NAALAD2: variants seen among roughly 807,000 people sequenced by gnomAD.
The protein encoded by NAALAD2 is N-acetylated-alpha-linked acidic dipeptidase 2.
Under a neutral mutation model 95.6 loss-of-function variants are expected in NAALAD2, and 89 were observed. The observed-to-expected ratio is 0.93, with a 90% CI of 0.78 to 1.11. The LOEUF (loss-of-function observed/expected upper bound fraction) is 1.11. Among genes scored for constraint, NAALAD2 ranks in the 50% least tolerant of loss-of-function variants. The pLI is 0.00. For missense variants in NAALAD2, 894 were observed against 872.4 expected (o/e 1.02, Z -0.31); for synonymous variants, 264 against 294.4 (o/e 0.90, Z 1.06).
intron 5 of NAALAD2, among the ~76,000 whole-genome samples, chr11:90,151,216 C>T (rs571497950): frequency 1.3e-5 from 2 of 152,184 alleles, no homozygotes; most frequent in Non-Finnish European, 2.9e-5. Context: ...GCAAAGTTTC[C>T]TCACATATAA....
intron 15 of NAALAD2, among the ~76,000 whole-genome samples, chr11:90,176,439 A>G (rs1183965384): frequency 6.6e-6 from 1 of 152,182 alleles, no homozygotes; most frequent in East Asian, 1.9e-4. Flanking sequence ...TATTTTGGTC[A>G]AGAGGAGCAT....
intron 13 of NAALAD2, among the ~76,000 whole-genome samples, chr11:90,173,501 C>T (rs1358722040): frequency 6.6e-6 from 1 of 152,000 alleles, no homozygotes; most frequent in Non-Finnish European, 1.5e-5. Flanking sequence ...TCTAAGCTGC[C>T]AAACATTAAT....
intron 1 of NAALAD2, chr11:90,135,119 A>C (rs996910459): frequency 2.5e-6 from 1 of 395,536 alleles, no homozygotes; most frequent in African/African-American, 2.0e-5. Context: ...GGGATGAAAA[A>C]AAATCGTTTT....
chr11:90,188,658 G>A (rs1857231911), intron 18 of NAALAD2, among the ~76,000 whole-genome samples: 1 of 152,158 alleles, frequency 6.6e-6, no homozygotes, highest in Non-Finnish European at 1.5e-5. Context: ...TAGAAATTAA[G>A]TTTCAACATA....
chr11:90,161,733 C>T (rs1214321879), intron 8 of NAALAD2, among the ~76,000 whole-genome samples: 1 of 151,990 alleles, frequency 6.6e-6, no homozygotes, highest in Non-Finnish European at 1.5e-5. Context: ...TTTCATTCCT[C>T]ATATGTTGCA....
In NAALAD2 at chr11:90,152,296, A is replaced by G; in HGVS notation, c.610-2A>G. Reference sequence around the variant, plus strand: ...ATTATGAATTGCACATTGCCCCTGCAGGTTAAAAATGCCATGTTAGCAGGA... The same window carrying G: ...ATTATGAATTGCACATTGCCCCTGCGGGTTAAAAATGCCATGTTAGCAGGA... On this transcript the variant is annotated splice_acceptor_variant, in intron 5 of 18. Coordinates refer to ENST00000534061, the MANE Select transcript of NAALAD2 (RefSeq NM_005467.4). LOFTEE classifies it high-confidence loss of function. 6.3e-7 allele frequency: 1 copy of G among 1,585,914 alleles called. No homozygotes were observed. Among genetic ancestry groups the G allele is most frequent in the Non-Finnish European group, 8.6e-7 (1 of 1,158,840 alleles).
chr11:90,158,887 T>C, intron 7 of NAALAD2: 1 of 214,090 alleles, frequency 4.7e-6, no homozygotes, highest in Non-Finnish European at 9.2e-6. Flanking sequence ...ACATTTCTTC[T>C]CCTTAATGCA....
At chr11:90,180,201 G>A (rs1380425944) in intron 16 of NAALAD2, among the ~76,000 whole-genome samples, 3 of 152,052 alleles carry the variant, frequency 2.0e-5, no homozygotes, top group Admixed American at 6.6e-5. Context: ...TGCAAAAGTC[G>A]TCATTGACAT....
intron 6 of NAALAD2, among the ~76,000 whole-genome samples, chr11:90,154,698 G>C (rs1249721641): frequency 6.6e-6 from 1 of 150,878 alleles, no homozygotes; most frequent in Non-Finnish European, 1.5e-5. Context: ...TAAAGAATGG[G>C]TTCAATGTTG....
rs1952709896 is a variant in NAALAD2 at position 90,173,840 on chromosome 11, A to C, written c.1427A>C (p.Asp476Ala). ...KLTKEIPSPD[D>A]GFESKSLYES... ...TCTTTCCAGATCCCCAGCCCTGATG[A>C]TGGGTTTGAGAGTAAATCACTGTAT... The change falls in exon 14 of 19, where the codon GAT (aspartate) becomes GCT (alanine). Residue 476 changes from aspartate (D) to alanine (A), a missense_variant. Transcript: ENST00000534061. 6.2e-7 allele frequency: 1 copy of C among 1,612,538 alleles called. No individual in the cohort carries two copies. Among genetic ancestry groups the C allele is most frequent in the African/African-American group, 1.3e-5 (1 of 74,784 alleles).
intron 13 of NAALAD2, among the ~76,000 whole-genome samples, chr11:90,173,335 C>T (rs1952695429): frequency 6.6e-6 from 1 of 152,186 alleles, no homozygotes; most frequent in Non-Finnish European, 1.5e-5. Context: ...CCTGCCTGCC[C>T]TGCAAAACCA....
chr11:90,146,136 A>G (rs1951744450), intron 2 of NAALAD2, among the ~76,000 whole-genome samples: 1 of 151,954 alleles, frequency 6.6e-6, no homozygotes, highest in Non-Finnish European at 1.5e-5. Flanking sequence ...TCATTTGCAA[A>G]ATGGGGATGA....
At chr11:90,185,514 T>A (rs1182400649) in intron 18 of NAALAD2, among the ~76,000 whole-genome samples, 2 of 151,990 alleles carry the variant, frequency 1.3e-5, no homozygotes, top group East Asian at 1.9e-4. Context: ...CTACAAAAAA[T>A]TTTTTAAAGT....
At chr11:90,140,427 C>T (rs1443284383) in intron 2 of NAALAD2, among the ~76,000 whole-genome samples, 1 of 146,638 alleles carries the variant, frequency 6.8e-6, no homozygotes, top group Non-Finnish European at 1.5e-5. Flanking sequence ...ACATGTACTT[C>T]ATGCATTCGT....
intron 18 of NAALAD2, among the ~76,000 whole-genome samples, chr11:90,183,874 C>A (rs1262244491): frequency 6.6e-6 from 1 of 152,084 alleles, no homozygotes; most frequent in Non-Finnish European, 1.5e-5. Flanking sequence ...ATGGTTTTAT[C>A]AGAAAACAAC....
intron 6 of NAALAD2, among the ~76,000 whole-genome samples, chr11:90,152,988 C>G (rs1045059537): frequency 5.9e-5 from 9 of 152,056 alleles, no homozygotes; most frequent in African/African-American, 2.2e-4. Flanking sequence ...AAAAAGCTTC[C>G]TCTCGTCTCT....
chr11:90,185,728 T>G (rs996245000), intron 18 of NAALAD2, among the ~76,000 whole-genome samples: 3 of 152,178 alleles, frequency 2.0e-5, no homozygotes, highest in African/African-American at 7.2e-5. Context: ...AATTTCAGAT[T>G]AGGATTTTTC....
intron 11 of NAALAD2, among the ~76,000 whole-genome samples, chr11:90,166,848 A>G (rs1309959693): frequency 1.5e-5 from 2 of 135,934 alleles, no homozygotes; most frequent in Admixed American, 7.7e-5. Context: ...AAAAAAAAAA[A>G]AAAAGAAAAT....
intron 2 of NAALAD2, among the ~76,000 whole-genome samples, chr11:90,141,723 T>C (rs1011140114): frequency 1.3e-5 from 2 of 152,172 alleles, no homozygotes; most frequent in African/African-American, 4.8e-5. Context: ...GTTCTGGGAT[T>C]ACAAATGTGA....
Sources: gnomAD v4.1 joint callset for allele counts (sites outside exome capture counted in the v4.1 genomes callset) on GRCh38, gnomAD v4.1.1 for gene constraint, MANE v1.5 for transcripts, NCBI Gene and HGNC (gene_info 2026-07-23, HGNC 2026-07-21) for gene names.